MYMX: variants seen among roughly 807,000 people sequenced by gnomAD.
The protein encoded by MYMX is myomixer, myoblast fusion factor.
At chr6:44,192,763 T>C in the MYMX span, among the ~76,000 whole-genome samples, 3 of 152,180 alleles carry the variant, frequency 2.0e-5, no homozygotes, top group Admixed American at 1.3e-4. Flanking sequence ...TTTTCACACA[T>C]TGGCCAAGTG....
At chr6:44,208,187 C>T in the MYMX span, among the ~76,000 whole-genome samples, 2 of 148,852 alleles carry the variant, frequency 1.3e-5, no homozygotes, top group African/African-American at 2.5e-5. Context: ...GTCAAGGGTG[C>T]AGTGAGCTTT....
chr6:44,212,344 G>A (rs1233803124), upstream of MYMX, among the ~76,000 whole-genome samples: 1 of 152,034 alleles, frequency 6.6e-6, no homozygotes, highest in Non-Finnish European at 1.5e-5. Flanking sequence ...GGCTGAGGCT[G>A]TAGTGATCCA....
chr6:44,204,987 A>T, the MYMX span, among the ~76,000 whole-genome samples: 2 of 152,240 alleles, frequency 1.3e-5, no homozygotes, highest in Non-Finnish European at 2.9e-5. Flanking sequence ...GATGTGCAGG[A>T]AGCCAAACAG....
At chr6:44,201,510 C>T in the MYMX span, among the ~76,000 whole-genome samples, 5 of 152,200 alleles carry the variant, frequency 3.3e-5, no homozygotes, top group African/African-American at 1.2e-4. Flanking sequence ...ATGCTGATTT[C>T]CCAGAGGACA....
the MYMX span, among the ~76,000 whole-genome samples, chr6:44,205,871 T>G: frequency 6.6e-6 from 1 of 150,654 alleles, no homozygotes; most frequent in Non-Finnish European, 1.5e-5. Flanking sequence ...TCTCAGCTAC[T>G]TGGGAGGCTG....
chr6:44,215,483 G>A (rs1193269516), upstream of MYMX, among the ~76,000 whole-genome samples: 2 of 152,156 alleles, frequency 1.3e-5, no homozygotes, highest in Admixed American at 6.5e-5. Context: ...AGACTAAGGT[G>A]GATCACTTGA....
upstream of MYMX, among the ~76,000 whole-genome samples, chr6:44,213,318 A>G (rs1775696100): frequency 6.6e-6 from 1 of 151,946 alleles, no homozygotes; most frequent in South Asian, 2.1e-4. Flanking sequence ...CGCGGGAAGC[A>G]GAGGTTGTAG....
the MYMX span, among the ~76,000 whole-genome samples, chr6:44,211,100 CTAAA>C: frequency 1.3e-5 from 2 of 152,106 alleles, no homozygotes; most frequent in Non-Finnish European, 2.9e-5. Flanking sequence ...AAGACTCTGT[CTAAA>C]TAAATAAATA....
rs1433677109 is a variant in MYMX, at chr6:44,217,569, T to A, written c.98T>A (p.Leu33Gln). 5 of 402,686 alleles carry A rather than the reference T, an allele frequency of 1.2e-5. No homozygotes were observed. The Admixed American group carries it at 1.3e-4, about 11-fold the overall frequency. 24.9% of individuals were successfully genotyped at this position (402,686 alleles called of 1,614,324 possible). A position where few individuals can be genotyped will look rare whatever the true frequency, so the allele number is the denominator to read the frequency against. ...GCCCGCCAATACCTCCTGCCCCTGC[T>A]GCGCCGATTGGCCCGCCGCCTGGGC... is the stretch of plus-strand genomic sequence containing the variant. Reference protein sequence around the residue: ...RLARQYLLPLLRRLARRLGSQ... With the variant: ...RLARQYLLPLQRRLARRLGSQ... Residue 33 changes from leucine (L) to glutamine (Q), a missense_variant, in exon 2 of 2, where the codon CTG becomes CAG. Coordinates refer to ENST00000573382, the MANE Select transcript of MYMX (RefSeq NM_001315494.2).
chr6:44,193,876 C>A, the MYMX span, among the ~76,000 whole-genome samples: 2 of 151,962 alleles, frequency 1.3e-5, no homozygotes, highest in East Asian at 1.9e-4. Context: ...CCCAGCTACT[C>A]GGAAGGCTGA....
the MYMX span, among the ~76,000 whole-genome samples, chr6:44,204,489 A>G: frequency 6.6e-6 from 1 of 152,166 alleles, no homozygotes; most frequent in Non-Finnish European, 1.5e-5. Flanking sequence ...TGGGATATTG[A>G]TTATTTCAAG....
At chr6:44,196,461 C>T in the MYMX span, among the ~76,000 whole-genome samples, 5 of 151,592 alleles carry the variant, frequency 3.3e-5, no homozygotes, top group African/African-American at 7.3e-5. Context: ...GGCGGATCAC[C>T]TGAGGTCAGG....
the MYMX span, among the ~76,000 whole-genome samples, chr6:44,208,511 G>A: frequency 1.4e-4 from 22 of 152,040 alleles, no homozygotes; most frequent in East Asian, 9.6e-4. Context: ...AAGATCTCTC[G>A]GATCTCTAGA....
At chr6:44,207,589 A>G in the MYMX span, among the ~76,000 whole-genome samples, 1 of 151,152 alleles carries the variant, frequency 6.6e-6, no homozygotes, top group Admixed American at 6.6e-5. Context: ...CTGGAGTGCA[A>G]TGGCATGGTC....
chr6:44,215,364 G>A (rs9472233), upstream of MYMX, among the ~76,000 whole-genome samples: 48,500 of 151,728 alleles, frequency 0.32, 7,842 homozygotes, highest in South Asian at 0.42. Flanking sequence ...CTTGAGCCCA[G>A]GAGTTAGAGA....
chr6:44,204,422 C>G, the MYMX span, among the ~76,000 whole-genome samples: 2 of 152,244 alleles, frequency 1.3e-5, no homozygotes, highest in Middle Eastern at 3.4e-3. Context: ...TCAGGACATA[C>G]CACTCCAAAA....
upstream of MYMX, among the ~76,000 whole-genome samples, chr6:44,214,735 G>A (rs1264277324): frequency 2.0e-5 from 3 of 152,216 alleles, no homozygotes; most frequent in Admixed American, 6.5e-5. Context: ...AGCACCCCTG[G>A]TTAATTTTTG....
the MYMX span, among the ~76,000 whole-genome samples, chr6:44,202,510 A>G: frequency 6.6e-6 from 1 of 151,948 alleles, no homozygotes; most frequent in African/African-American, 2.4e-5. Context: ...CATGGGAGGC[A>G]GAGGTCAGGG....
the MYMX span, among the ~76,000 whole-genome samples, chr6:44,202,518 G>C: frequency 1.3e-5 from 2 of 151,998 alleles, no homozygotes; most frequent in Non-Finnish European, 2.9e-5. Flanking sequence ...GCAGAGGTCA[G>C]GGAAGTGCAG....
Sources: allele counts gnomAD v4.1 joint callset (sites outside exome capture counted in the v4.1 genomes callset), GRCh38; gene constraint gnomAD v4.1.1; transcripts MANE v1.5; gene names NCBI Gene and HGNC (gene_info 2026-07-23, HGNC 2026-07-21).